IK: variants seen among roughly 807,000 people sequenced by gnomAD.
The protein encoded by IK is protein Red.
A neutral mutation model predicts 90.9 loss-of-function variants in IK; 47 were observed. The ratio of observed to expected loss-of-function variants is 0.52; its 90% CI spans 0.41 to 0.66. The LOEUF (loss-of-function observed/expected upper bound fraction) is 0.66, where lower values mean the gene tolerates loss of function less well. Among genes scored for constraint, IK ranks in the 30% least tolerant of loss-of-function variants. The pLI is 0.00. For missense variants in IK, 385 were observed against 709.3 expected (o/e 0.54, Z 5.19); for synonymous variants, 201 against 227.5 (o/e 0.88, Z 1.05).
chr5:140,653,239 C>T, intron 5 of IK, 95 bp downstream of exon 5: 4 of 1,079,882 alleles, frequency 3.7e-6, no homozygotes, highest in Non-Finnish European at 5.3e-6. Context: ...GCCCTGGAGC[C>T]TACAATAAGC....
rs758810710 is a variant in IK at position 140,661,746 on chromosome 5, G to A, written c.1502+38G>A. On this transcript the variant is annotated intron_variant, in intron 17 of 19. Coordinates refer to ENST00000417647, the MANE Select transcript of IK (RefSeq NM_006083.4). This position sits in a 1 kb window ranked among gnomAD's most constrained non-coding sequence, Gnocchi z 4.2. ...TGAATATGGGCAGGGTGTGAGGAGG[G>A]GTGTGGGGATTTGGTGGAATAGTGC... 2.0e-5 allele frequency: 30 copies of A among 1,519,748 alleles called. No individual in the cohort carries two copies. Among genetic ancestry groups the A allele is most frequent in the Non-Finnish European group, 2.6e-5 (29 of 1,106,978 alleles). The allele number at this position is 1,519,748 out of a possible 1,614,324, so 94.1% of individuals were successfully genotyped here.
chr5:140,660,270 TC>T (rs1343054873), intron 15 of IK, 75 bp downstream of exon 15: 5 of 846,110 alleles, frequency 5.9e-6, no homozygotes, highest in Non-Finnish European at 9.5e-6. Context: ...GAAATTTGAT[TC>T]GCTAAGTCCC....
Position 140,653,014 on chromosome 5 carries a change from G to C in IK, c.274G>C (p.Glu92Gln), listed in dbSNP as rs761591122. The change falls in exon 5 of 20, where the codon GAG becomes CAG. Residue 92 changes from glutamate to glutamine, a missense_variant. Transcript: ENST00000417647. ...AKLRQQEIER[E>Q]RELAEKYRDR... ...GCTACGCCAACAAGAAATTGAGAGA[G>C]AGAGAGAGCTAGCAGAGAAGTACCG... is the stretch of plus-strand genomic sequence containing the variant. 1.2e-6 allele frequency: 2 copies of C among 1,613,870 alleles called. No homozygotes were observed. The highest frequency in any genetic ancestry group is 3.3e-5 in the Admixed American group (2 of 60,004).
At chr5:140,650,875 G>A (rs1032620356) in intron 2 of IK, among the ~76,000 whole-genome samples, 5 of 151,958 alleles carry the variant, frequency 3.3e-5, no homozygotes, top group African/African-American at 9.7e-5. Context: ...CACTGCACCC[G>A]GCCAGACTGA....
Position 140,662,233 on chromosome 5 carries a change from C to T in IK, c.1646+20C>T, listed in dbSNP as rs1167692413. ...TGATGGGTGAGCGGCATTATTCTTC[C>T]TCTGTGGGACTGGTGGGAATTGCTT... On this transcript the variant is annotated intron_variant, in intron 19 of 19. Coordinates refer to ENST00000417647, the MANE Select transcript of IK (RefSeq NM_006083.4). 6.2e-7 allele frequency: 1 copy of T among 1,613,848 alleles called. No homozygotes were observed. Among genetic ancestry groups the T allele is most frequent in the African/African-American group, 1.3e-5 (1 of 74,900 alleles).
At chr5:140,658,357 G>A (rs1055443991) in intron 10 of IK, among the ~76,000 whole-genome samples, 17 of 149,786 alleles carry the variant, frequency 1.1e-4, no homozygotes, top group Non-Finnish European at 8.9e-5. Context: ...TCGTTTTGTC[G>A]CCCAGGCTGG....
intron 1 of IK, 32 bp from the exon 2 acceptor site, chr5:140,648,439 C>T (rs534882934): frequency 1.2e-6 from 2 of 1,607,220 alleles, no homozygotes; most frequent in Admixed American, 1.7e-5. Flanking sequence ...ACGTAAGAGA[C>T]TGATTAAATT....
intron 9 of IK, among the ~76,000 whole-genome samples, chr5:140,657,182 G>A (rs1313406583): frequency 6.6e-6 from 1 of 152,202 alleles, no homozygotes; most frequent in Non-Finnish European, 1.5e-5. Flanking sequence ...TAGCCTGGGC[G>A]ACAGAATGAG....
Position 140,661,045 on chromosome 5 carries a change from A to G in IK, c.1413+230A>G. On this transcript the variant is annotated intron_variant, in intron 16 of 19. Coordinates refer to ENST00000417647, the MANE Select transcript of IK (RefSeq NM_006083.4). This position sits in a 1 kb window ranked among gnomAD's most constrained non-coding sequence, Gnocchi z 4.2. ...AATCTATTTTTTACTTCCTATAGCA[A>G]AGTGCCAGGCTTTGATTCCCATGGT... 2.2e-6 allele frequency: 1 copy of G among 457,496 alleles called. No homozygotes were observed. Among genetic ancestry groups the G allele is most frequent in the Admixed American group, 3.9e-5 (1 of 25,876 alleles). The allele number at this position is 457,496 out of a possible 1,614,324, so 28.3% of individuals were successfully genotyped here. A position where few individuals can be genotyped will look rare whatever the true frequency, so the allele number is the denominator to read the frequency against.
At chr5:140,658,521 T>A (rs185497370) in intron 10 of IK, among the ~76,000 whole-genome samples, 3 of 152,216 alleles carry the variant, frequency 2.0e-5, no homozygotes, top group Admixed American at 2.0e-4. Flanking sequence ...GGTTTCACCA[T>A]GTTAGCCAGG....
In IK at chr5:140,660,843, C is replaced by T. The variant is rs369501205; in HGVS notation, c.1413+28C>T. The T allele has an allele frequency of 4.4e-6, 7 of 1,577,118 alleles. No homozygotes were observed. In the Admixed American group the frequency reaches 8.4e-5, roughly 19 times the overall value. ...ATGTAGTTAGAAGGATGGTGGGCGC[C>T]TTTGGGCAGTTATTATTTGTTTTAC... On this transcript the variant is annotated intron_variant, in intron 16 of 19. Coordinates refer to ENST00000417647, the MANE Select transcript of IK (RefSeq NM_006083.4).
rs1757796153 is a variant in IK at position 140,661,094 on chromosome 5, A to G, written c.1413+279A>G. The G allele has an allele frequency of 5.0e-6, 2 of 396,504 alleles. No individual in the cohort carries two copies. Among genetic ancestry groups the G allele is most frequent in the Admixed American group, 4.2e-5 (1 of 23,626 alleles). The allele number at this position is 396,504 out of a possible 1,614,324, so 24.6% of individuals were successfully genotyped here. ...GTAGGCAGTAAGCAAGCATCAATGC[A>G]TAAGTAGAAAGGGCAGAAAAAATTG... is the stretch of plus-strand genomic sequence containing the variant. On this transcript the variant is annotated intron_variant, in intron 16 of 19. Coordinates refer to ENST00000417647, the MANE Select transcript of IK (RefSeq NM_006083.4). This position sits in a 1 kb window ranked among gnomAD's most constrained non-coding sequence, Gnocchi z 4.2.
chr5:140,655,947 C>G lies in IK; in HGVS notation c.756C>G (p.Ile252Met). 6.4e-7 allele frequency: 1 copy of G among 1,560,370 alleles called. No homozygotes were observed. The highest frequency in any genetic ancestry group is 8.7e-7 in the Non-Finnish European group (1 of 1,151,106). Residue 252 changes from isoleucine (I) to methionine (M), a missense_variant, in exon 9 of 20, where the codon ATC becomes ATG. Around this residue, in one of 8 missense-constraint regions of IK, gnomAD observed 33 missense variants for 86.1 expected, o/e 0.38. Coordinates refer to ENST00000417647, the MANE Select transcript of IK (RefSeq NM_006083.4). ...DLDDEYADTD[I>M]PTTLIRSKAD... ...ATGATGAGTATGCTGACACAGATAT[C>G]CCCACCACTCTTATCCGCAGCAAGG...
At chr5:140,647,947 T>G (rs370832670) in intron 1 of IK, 23 bp downstream of exon 1, 4 of 1,613,578 alleles carry the variant, frequency 2.5e-6, no homozygotes, top group Non-Finnish European at 3.4e-6. Flanking sequence ...CCATCCGTTA[T>G]TTCTTCCCCA....
Position 140,659,751 on chromosome 5 carries a change from C to T in IK, c.1196-5C>T, listed in dbSNP as rs757854212. ...AGGTCTGGGCTGAGTTCTCTTTTCT[C>T]CTAGGACCTGGGTCTACCAAGGAGT... On this transcript the variant is annotated splice_region_variant and splice_polypyrimidine_tract_variant and intron_variant, in intron 13 of 19. Transcript: ENST00000417647. The T allele has an allele frequency of 3.2e-6, 5 of 1,582,788 alleles. No homozygotes were observed. The South Asian group carries it at 3.5e-5, about 11-fold the overall frequency.
In IK at chr5:140,659,090, C is replaced by G; in HGVS notation, c.1102C>G (p.Arg368Gly). 1 of 1,612,490 alleles carries G rather than the reference C, an allele frequency of 6.2e-7. No homozygotes were observed. ...GCGAGAACGAGATCGGGAACGAGAGCGAGAGCGGGACCGAGAGAGAGAAGA... is the reference window on the plus strand; with the variant it reads ...GCGAGAACGAGATCGGGAACGAGAGGGAGAGCGGGACCGAGAGAGAGAAGA... The part of the protein sequence containing the change: ...RERERDRERE[R>G]ERDREREEEK... The change falls in exon 12 of 20, where the codon CGA becomes GGA. Residue 368 changes from arginine (R) to glycine (G), a missense_variant. By Grantham distance (125) the Arg-to-Gly change is moderately radical. Coordinates refer to ENST00000417647, the MANE Select transcript of IK (RefSeq NM_006083.4).
chr5:140,648,021 T>A, intron 1 of IK, 97 bp downstream of exon 1: 1 of 944,980 alleles, frequency 1.1e-6, no homozygotes, highest in Non-Finnish European at 1.7e-6. Flanking sequence ...TGTGTGTGTG[T>A]GTGTGTGTGT....
intron 2 of IK, chr5:140,649,021 G>C (rs1313893648): frequency 1.1e-5 from 2 of 176,138 alleles, no homozygotes; most frequent in Admixed American, 5.9e-5. Context: ...ATTTTTAGTA[G>C]AGATGGGGTT....
intron 16 of IK, 154 bp downstream of exon 16, chr5:140,660,969 A>G: frequency 1.7e-6 from 1 of 585,884 alleles, no homozygotes; most frequent in Non-Finnish European, 3.1e-6. Flanking sequence ...GGTCATGAGC[A>G]GCTTAACTAT....
Sources: allele counts gnomAD v4.1 joint callset (sites outside exome capture counted in the v4.1 genomes callset), GRCh38; gene constraint gnomAD v4.1.1; regional missense constraint gnomAD v4.1.1; non-coding constraint Gnocchi (gnomAD v3.1); transcripts MANE v1.5; gene names NCBI Gene and HGNC (gene_info 2026-07-23, HGNC 2026-07-21).